DENND1B: variants seen among roughly 807,000 people sequenced by gnomAD.
The protein encoded by DENND1B is DENN domain containing 1B, also known as DENN domain-containing protein 1B.
Under a neutral mutation model 90.1 loss-of-function variants are expected in DENND1B, and 59 were observed. That is an observed-to-expected ratio of 0.65 (90% CI 0.53 to 0.81). The LOEUF is 0.81. Among genes scored for constraint, DENND1B ranks in the 40% least tolerant of loss-of-function variants. DENND1B has a pLI of 0.00. For missense variants in DENND1B, 862 were observed against 912.6 expected, an observed-to-expected ratio of 0.94 and a Z score of 0.71; for synonymous variants, 337 against 324.6, an observed-to-expected ratio of 1.04 and a Z score of -0.41.
chr1:197,587,638 T>C (rs1253402376), intron 14 of DENND1B, among the ~76,000 whole-genome samples: 1 of 152,190 alleles, frequency 6.6e-6, no homozygotes, highest in Non-Finnish European at 1.5e-5. Flanking sequence ...GCATTCCCTA[T>C]GGCAGTGGTC....
rs368145386 is a variant in DENND1B, at chr1:197,595,328, C to T, written c.927G>A (p.Ser309=). 3.9e-5 allele frequency: 63 copies of T among 1,612,144 alleles called. No homozygotes were observed. The highest frequency in any genetic ancestry group is 3.3e-4 in the African/African-American group (25 of 74,760). Residue 309 remains serine (S), a synonymous_variant, in exon 14 of 23, where the codon TCG becomes TCA. Coordinates refer to ENST00000620048, the MANE Select transcript of DENND1B (RefSeq NM_001195215.2). ...DLNNLPSDVV[S]ALKNKLKKQS... ...GCTTCTTCAGTTTATTTTTCAAGGC[C>T]GAGACCTGCATGACAGAGAGGAACA... is the stretch of plus-strand genomic sequence containing the variant.
chr1:197,528,972 T>C (rs1044357769), intron 20 of DENND1B, among the ~76,000 whole-genome samples: 1 of 151,990 alleles, frequency 6.6e-6, no homozygotes, highest in Non-Finnish European at 1.5e-5. Flanking sequence ...AGTTTAATAG[T>C]GCTTGGTCTA....
At position 197,644,121 on chromosome 1, in the gene DENND1B, G is replaced by A. The variant is rs79878022; in HGVS notation, c.562-1300C>T. On this transcript the variant is annotated intron_variant, in intron 9 of 22. Transcript: ENST00000620048. ...AATTTGGTGGGAAGAGGTTTATTTC[G>A]TGCTTTCTCACCTTCCAATTCAACT... Among the ~76,000 whole-genome samples, 1,387 of 152,216 alleles carry A rather than the reference G, an allele frequency of 9.1e-3. 18 individuals are homozygous for A. The highest frequency in any genetic ancestry group is 0.028 in the African/African-American group (1,176 of 41,542).
chr1:197,692,335 A>T (rs1053986005), intron 3 of DENND1B, among the ~76,000 whole-genome samples: 6 of 151,826 alleles, frequency 4.0e-5, no homozygotes, highest in Non-Finnish European at 5.9e-5. Context: ...AAGCCTCCTA[A>T]ATATATACCA....
chr1:197,765,451 T>A (rs1269737292), intron 2 of DENND1B, among the ~76,000 whole-genome samples: 1 of 152,220 alleles, frequency 6.6e-6, no homozygotes, highest in Non-Finnish European at 1.5e-5. Context: ...CACTTTAAAA[T>A]GTATACTGTA....
At chr1:197,693,417 C>T (rs1658109316) in intron 3 of DENND1B, among the ~76,000 whole-genome samples, 2 of 151,652 alleles carry the variant, frequency 1.3e-5, no homozygotes, top group South Asian at 2.1e-4. Context: ...AAATTAGGTT[C>T]ATTTAAAGGT....
chr1:197,705,809 C>T (rs975505399), intron 3 of DENND1B, among the ~76,000 whole-genome samples: 3 of 151,896 alleles, frequency 2.0e-5, no homozygotes, highest in Non-Finnish European at 2.9e-5. Flanking sequence ...AGAACAAACG[C>T]AAACTTCTTA....
chr1:197,694,752 T>C (rs556289572), intron 3 of DENND1B, among the ~76,000 whole-genome samples: 26 of 151,440 alleles, frequency 1.7e-4, no homozygotes, highest in Non-Finnish European at 3.9e-4. Context: ...ACATCAGACC[T>C]TCCAGGTCTG....
intron 6 of DENND1B, among the ~76,000 whole-genome samples, chr1:197,656,084 G>A (rs752705120): frequency 2.0e-4 from 31 of 152,064 alleles, no homozygotes; most frequent in Admixed American, 2.0e-4. Context: ...ACTATGAAGC[G>A]ATTGTAAGCA....
intron 12 of DENND1B, among the ~76,000 whole-genome samples, chr1:197,607,498 G>T (rs980644653): frequency 4.6e-5 from 7 of 150,916 alleles, no homozygotes; most frequent in Admixed American, 2.0e-4. Context: ...ACCCATTTAA[G>T]TTCAGTCCCA....
intron 18 of DENND1B, among the ~76,000 whole-genome samples, chr1:197,545,169 C>A (rs1309882991): frequency 6.6e-6 from 1 of 151,914 alleles, no homozygotes; most frequent in Non-Finnish European, 1.5e-5. Context: ...CTTTGAGAGG[C>A]CAAGGCGGGC....
Position 197,511,796 on chromosome 1 carries a change from C to G in DENND1B, c.1747G>C (p.Gly583Arg), listed in dbSNP as rs1668047373. Residue 583 changes from glycine (G) to arginine (R), a missense_variant, in exon 22 of 23, where the codon GGG (glycine) becomes CGG (arginine). Gly to Arg is a moderately radical substitution (Grantham distance 125). Transcript: ENST00000620048. Reference protein sequence around the residue: ...DTLSTHSSDQGKLAAAKSLDF... With the variant: ...DTLSTHSSDQRKLAAAKSLDF... The stretch of plus-strand genomic sequence containing the variant: ...AAGCTCTTTGCAGCTGCCAGCTTCC[C>G]CTGATCTGAGCTGTGTGTGCTCAAT... 1.2e-6 allele frequency: 2 copies of G among 1,611,008 alleles called. No homozygotes were observed. Among genetic ancestry groups the G allele is most frequent in the African/African-American group, 2.7e-5 (2 of 74,768 alleles).
chr1:197,740,466 T>A (rs1054877985), intron 2 of DENND1B, among the ~76,000 whole-genome samples: 1 of 152,190 alleles, frequency 6.6e-6, no homozygotes, highest in African/African-American at 2.4e-5. Context: ...TGGGGAAGAC[T>A]GAGTCTCAGA....
intron 18 of DENND1B, among the ~76,000 whole-genome samples, chr1:197,544,013 C>T (rs916908471): frequency 1.1e-4 from 17 of 151,696 alleles, no homozygotes; most frequent in South Asian, 4.2e-4. Flanking sequence ...ATAAAATATC[C>T]GACCTATTGA....
intron 10 of DENND1B, among the ~76,000 whole-genome samples, chr1:197,628,050 T>G (rs1219426293): frequency 1.3e-5 from 2 of 152,044 alleles, no homozygotes; most frequent in African/African-American, 4.8e-5. Context: ...GGAAGAACAT[T>G]CCATGCTCAT....
intron 2 of DENND1B, among the ~76,000 whole-genome samples, chr1:197,730,678 T>C (rs1237371453): frequency 2.0e-5 from 3 of 152,032 alleles, no homozygotes; most frequent in East Asian, 3.9e-4. Flanking sequence ...AGACTGAAAA[T>C]AGTTTTTATC....
intron 15 of DENND1B, among the ~76,000 whole-genome samples, chr1:197,580,906 A>G (rs1350621633): frequency 6.6e-6 from 1 of 152,154 alleles, no homozygotes; most frequent in Non-Finnish European, 1.5e-5. Context: ...TACGTTTTAA[A>G]TTGTAGTATG....
intron 18 of DENND1B, among the ~76,000 whole-genome samples, chr1:197,541,714 G>A (rs1670349798): frequency 6.6e-6 from 1 of 151,516 alleles, no homozygotes; most frequent in South Asian, 2.1e-4. Flanking sequence ...AGGAGAAAAG[G>A]AATTCATATT....
intron 13 of DENND1B, among the ~76,000 whole-genome samples, chr1:197,601,407 A>G (rs1378246172): frequency 6.6e-6 from 1 of 151,752 alleles, no homozygotes; most frequent in African/African-American, 2.4e-5. Flanking sequence ...TGCTATTGTG[A>G]CAGTGCTCAC....
Sources: allele counts gnomAD v4.1 joint callset (sites outside exome capture counted in the v4.1 genomes callset), GRCh38; gene constraint gnomAD v4.1.1; transcripts MANE v1.5; gene names NCBI Gene and HGNC (gene_info 2026-07-23, HGNC 2026-07-21).